DSN1: variants seen among roughly 807,000 people sequenced by gnomAD.
DSN1 encodes DSN1 component of MIS12 kinetochore complex.
In DSN1, 31 loss-of-function variants were observed where a neutral mutation model predicts 45.7. The ratio of observed to expected loss-of-function variants is 0.68; its 90% CI spans 0.51 to 0.92. The LOEUF (loss-of-function observed/expected upper bound fraction) is 0.92, where lower values mean the gene tolerates loss of function less well. Among genes scored for constraint, DSN1 ranks in the 40% least tolerant of loss-of-function variants. The pLI is 0.00. For missense variants in DSN1, 394 were observed against 414.2 expected (o/e 0.95, Z 0.42); for synonymous variants, 134 against 142.3 (o/e 0.94, Z 0.41).
intron 1 of DSN1, among the ~76,000 whole-genome samples, chr20:36,773,010 T>G (rs1413515275): frequency 6.6e-6 from 1 of 152,170 alleles, no homozygotes; most frequent in Non-Finnish European, 1.5e-5. Flanking sequence ...AGTAAAAAGA[T>G]ATGAATATAT....
At chr20:36,760,050 C>T (rs1013138639) in intron 6 of DSN1, among the ~76,000 whole-genome samples, 49 of 151,868 alleles carry the variant, frequency 3.2e-4, no homozygotes, top group South Asian at 1.5e-3. Context: ...TGAAGACCAG[C>T]CTGGCCAACA....
At chr20:36,753,380 G>A (rs1986481009) in intron 10 of DSN1, among the ~76,000 whole-genome samples, 3 of 150,180 alleles carry the variant, frequency 2.0e-5, no homozygotes, top group African/African-American at 7.3e-5. Context: ...TGTAATCCCT[G>A]TAATCCCAAC....
Position 36,773,644 on chromosome 20 carries a change from A to G in DSN1, c.-16+18T>C, listed in dbSNP as rs1330696767. 7.1e-6 allele frequency: 7 copies of G among 985,488 alleles called. No individual in the cohort carries two copies. Among genetic ancestry groups the G allele is most frequent in the Non-Finnish European group, 8.4e-6 (7 of 830,058 alleles). The allele number at this position is 985,488 out of a possible 1,614,324, so 61.0% of individuals were successfully genotyped here. On this transcript the variant is annotated intron_variant, in intron 1 of 10. Transcript: ENST00000373750. ...GTCTGTGACTTCCTGACGCCCGTCC[A>G]GTCCGGAACCTCCGTACCTGAAACA... is the stretch of plus-strand genomic sequence containing the variant.
intron 2 of DSN1, 78 bp from the exon 3 acceptor site, chr20:36,771,271 A>G (rs1011700231): frequency 7.7e-5 from 116 of 1,506,058 alleles, no homozygotes; most frequent in Non-Finnish European, 1.0e-4. Context: ...GGAAAAAGTA[A>G]ATGTATGCCC....
chr20:36,756,675 A>G (rs1986695232), intron 8 of DSN1, among the ~76,000 whole-genome samples: 1 of 152,182 alleles, frequency 6.6e-6, no homozygotes, highest in Non-Finnish European at 1.5e-5. Flanking sequence ...CCATTTTCAA[A>G]TGAGGAACCT....
intron 3 of DSN1, 27 bp from the exon 4 acceptor site, chr20:36,768,069 G>T (rs1162945504): frequency 6.2e-7 from 1 of 1,611,960 alleles, no homozygotes; most frequent in Non-Finnish European, 8.5e-7. Context: ...CCACATTTAA[G>T]GAGCTGGATA....
At chr20:36,763,880 T>G (rs1987158964) in intron 5 of DSN1, among the ~76,000 whole-genome samples, 1 of 80,042 alleles carries the variant, frequency 1.2e-5, no homozygotes, top group African/African-American at 5.3e-5. Context: ...AGCAAAACTC[T>G]GTCTCAAAAA....
intron 5 of DSN1, among the ~76,000 whole-genome samples, chr20:36,763,614 C>T (rs6072131): frequency 0.33 from 50,047 of 151,182 alleles, 8,799 homozygotes; most frequent in Middle Eastern, 0.44. Flanking sequence ...CCAGGCTGGG[C>T]GCAGTGGCTC....
intron 2 of DSN1, 57 bp downstream of exon 2, chr20:36,771,368 A>G (rs965206783): frequency 1.2e-5 from 19 of 1,568,252 alleles, no homozygotes; most frequent in South Asian, 1.0e-4. Flanking sequence ...AGATTTGGGT[A>G]TAGCTCAGAA....
intron 6 of DSN1, among the ~76,000 whole-genome samples, chr20:36,762,163 G>A (rs1260244097): frequency 1.5e-5 from 2 of 135,774 alleles, no homozygotes; most frequent in Non-Finnish European, 3.1e-5. Context: ...CTGGAGTGCA[G>A]GGGCGCGATC....
chr20:36,772,437 T>C (rs1457743895), intron 1 of DSN1, among the ~76,000 whole-genome samples: 1 of 150,378 alleles, frequency 6.6e-6, no homozygotes, highest in Non-Finnish European at 1.5e-5. Context: ...TACAGGTGCC[T>C]GCCACCACAC....
Position 36,768,024 on chromosome 20 carries a change from C to T in DSN1, c.374G>A (p.Ser125Asn). 3.7e-6 allele frequency: 6 copies of T among 1,614,182 alleles called. No homozygotes were observed. Among genetic ancestry groups the T allele is most frequent in the Non-Finnish European group, 4.2e-6 (5 of 1,180,028 alleles). Residue 125 changes from serine (S) to asparagine (N), a missense_variant, in exon 4 of 11, where the codon AGT becomes AAT. Transcript: ENST00000373750. ...CCGTTTGCTTTCTGCTAAATCGACA[C>T]TGATAGACCGGCTGAGCTCTAACAT... is the stretch of plus-strand genomic sequence containing the variant. Reference protein sequence around the residue: ...QGITELSRSISVDLAESKRLG... With the variant: ...QGITELSRSINVDLAESKRLG...
rs1400980744 is a variant in DSN1 at position 36,762,531 on chromosome 20, C to A, written c.520G>T (p.Glu174Ter). 1 of 1,613,440 alleles carries A rather than the reference C, an allele frequency of 6.2e-7. No individual in the cohort carries two copies. Among genetic ancestry groups the A allele is most frequent in the African/African-American group, 1.3e-5 (1 of 74,864 alleles). ...FRAKASSLSE[E>*]LKHFADGLET... is the part of the protein sequence containing the mutation. ...AGTCCGTCTGCAAAATGTTTCAATT[C>A]TTCAGAAAGAGAAGATGCTAGACAG... The change falls in exon 6 of 11, where the codon GAA becomes TAA. Residue 174 changes from glutamate (E) to a stop codon, truncating the protein, a stop_gained. Coordinates refer to ENST00000373750, the MANE Select transcript of DSN1 (RefSeq NM_001145315.2). LOFTEE classifies it high-confidence loss of function.
At chr20:36,767,864 T>G in intron 4 of DSN1, 105 bp downstream of exon 4, 1 of 1,138,676 alleles carries the variant, frequency 8.8e-7, no homozygotes. Context: ...ATCATACCAC[T>G]GCACTCCAGC....
intron 3 of DSN1, among the ~76,000 whole-genome samples, chr20:36,770,481 C>A (rs1331358686): frequency 6.6e-6 from 1 of 152,162 alleles, no homozygotes; most frequent in Non-Finnish European, 1.5e-5. Flanking sequence ...CAGAAAACCA[C>A]AGAAAGAAAT....
intron 5 of DSN1, among the ~76,000 whole-genome samples, chr20:36,763,343 T>A (rs1378291108): frequency 7.6e-6 from 1 of 131,120 alleles, no homozygotes; most frequent in East Asian, 2.4e-4. Context: ...AGGCAGAGGT[T>A]GCAGTGAGCT....
intron 6 of DSN1, among the ~76,000 whole-genome samples, chr20:36,759,357 C>T (rs899529156): frequency 2.6e-5 from 4 of 152,140 alleles, no homozygotes; most frequent in Admixed American, 1.3e-4. Context: ...TCAAGTGATC[C>T]TCCCACCTTG....
chr20:36,768,003 T>C lies in DSN1; in HGVS notation c.395A>G (p.Lys132Arg). 6.2e-7 allele frequency: 1 copy of C among 1,614,118 alleles called. No individual in the cohort carries two copies. Among genetic ancestry groups the C allele is most frequent in the Non-Finnish European group, 8.5e-7 (1 of 1,179,998 alleles). The change falls in exon 4 of 11, where the codon AAA becomes AGA. Residue 132 changes from lysine to arginine, a missense_variant. Coordinates refer to ENST00000373750, the MANE Select transcript of DSN1 (RefSeq NM_001145315.2). Reference sequence around the variant, plus strand: ...GGAAAGCAGGAGACAGCCAAGCCGTTTGCTTTCTGCTAAATCGACACTGAT... The same window carrying C: ...GGAAAGCAGGAGACAGCCAAGCCGTCTGCTTTCTGCTAAATCGACACTGAT... ...RSISVDLAESKRLGCLLLSSF... is the reference protein window; with the variant it reads ...RSISVDLAESRRLGCLLLSSF...
At chr20:36,771,697 C>T (rs1160677084) in intron 1 of DSN1, among the ~76,000 whole-genome samples, 2 of 152,228 alleles carry the variant, frequency 1.3e-5, no homozygotes, top group African/African-American at 4.8e-5. Flanking sequence ...ACATACCCTA[C>T]CTTACTTCCC....
Sources: allele counts gnomAD v4.1 joint callset (sites outside exome capture counted in the v4.1 genomes callset), GRCh38; gene constraint gnomAD v4.1.1; transcripts MANE v1.5; gene names NCBI Gene and HGNC (gene_info 2026-07-23, HGNC 2026-07-21).